Variants in ZDHHC2 observed in about 807,000 individuals in gnomAD.
The protein encoded by ZDHHC2 is palmitoyltransferase ZDHHC2.
A neutral mutation model predicts 55.6 loss-of-function variants in ZDHHC2; 51 were observed. The observed-to-expected ratio is 0.92, with a 90% CI of 0.73 to 1.16. The LOEUF is 1.16. ZDHHC2 is among the 50% of genes most tolerant of loss of function. The pLI is 0.00. For synonymous variants in ZDHHC2, 199 were observed against 152.9 expected (o/e 1.30, Z -2.22); for missense variants, 491 against 442.4 (o/e 1.11, Z -0.99).
At chr8:17,157,233 C>G (rs1158891921) in intron 1 of ZDHHC2, among the ~76,000 whole-genome samples, 1 of 152,174 alleles carries the variant, frequency 6.6e-6, no homozygotes, top group South Asian at 2.1e-4. Flanking sequence ...GAGCTGGGCC[C>G]GGCCCCGAGC....
chr8:17,160,556 G>A (rs1045882696), intron 1 of ZDHHC2, among the ~76,000 whole-genome samples: 2 of 152,168 alleles, frequency 1.3e-5, no homozygotes, highest in African/African-American at 4.8e-5. Context: ...TATGACCTTA[G>A]CTGCTGTAAT....
chr8:17,205,317 A>T lies in ZDHHC2; in HGVS notation c.477-338A>T, dbSNP rs71526110. ...TCAAACCCAAAGATGGCGTAGAGGAAGGGTTTAGTAAATTCACCTAAGCTG... is the reference window on the plus strand; with the variant it reads ...TCAAACCCAAAGATGGCGTAGAGGATGGGTTTAGTAAATTCACCTAAGCTG... On this transcript the variant is annotated intron_variant, in intron 6 of 12. Coordinates refer to ENST00000262096, the MANE Select transcript of ZDHHC2 (RefSeq NM_016353.5). Among the ~76,000 whole-genome samples the T allele has an allele frequency of 1.2e-3, 178 of 152,358 alleles. 1 individual carries two copies. Among genetic ancestry groups the T allele is most frequent in the Middle Eastern group, 0.01 (3 of 294 alleles).
chr8:17,184,773 T>C lies in ZDHHC2; in HGVS notation c.131-16T>C, dbSNP rs936098305. 6 of 1,549,280 alleles carry C rather than the reference T, an allele frequency of 3.9e-6. No homozygotes were observed. The highest frequency in any genetic ancestry group is 4.4e-6 in the Non-Finnish European group (5 of 1,145,992). On this transcript the variant is annotated splice_polypyrimidine_tract_variant and intron_variant, in intron 1 of 12. Transcript: ENST00000262096. ...ATAAGCTTCATGTAACCTATTACCTTTTTTTCTCTTTACAGTGTCCATGGA... is the reference window on the plus strand; with the variant it reads ...ATAAGCTTCATGTAACCTATTACCTCTTTTTCTCTTTACAGTGTCCATGGA...
chr8:17,213,656 AG>A (rs1297885898), intron 10 of ZDHHC2, among the ~76,000 whole-genome samples: 2 of 152,164 alleles, frequency 1.3e-5, no homozygotes, highest in African/African-American at 4.8e-5. Flanking sequence ...AATTTCCATA[AG>A]AACAAAGACT....
intron 8 of ZDHHC2, 25 bp downstream of exon 8, chr8:17,208,117 A>T: frequency 6.5e-7 from 1 of 1,527,542 alleles, no homozygotes; most frequent in Non-Finnish European, 8.8e-7. Context: ...ATTGTAGTTG[A>T]CAGAACTTTA....
chr8:17,166,228 G>T (rs1330282949), intron 1 of ZDHHC2, among the ~76,000 whole-genome samples: 2 of 152,186 alleles, frequency 1.3e-5, no homozygotes, highest in Admixed American at 6.5e-5. Context: ...TGAAACCGTG[G>T]CGTGGGCACT....
chr8:17,221,560 T>G lies in ZDHHC2; in HGVS notation c.*1339T>G, dbSNP rs3750248. The stretch of plus-strand genomic sequence containing the variant: ...AATCAAAGAGAAAATGGTAATAAAC[T>G]TTTCAAAATCTTTGTTAAACCAAAC... On this transcript the variant is annotated 3_prime_UTR_variant, in exon 13 of 13. Coordinates refer to ENST00000262096, the MANE Select transcript of ZDHHC2 (RefSeq NM_016353.5). The G allele has an allele frequency of 9.2e-5, 14 of 152,426 alleles. No individual in the cohort carries two copies. In the East Asian group the frequency reaches 2.7e-3, roughly 29 times the overall value. The allele number at this position is 152,426 out of a possible 1,614,324, so 9.4% of individuals were successfully genotyped here.
chr8:17,157,207 CG>C (rs1287474290), intron 1 of ZDHHC2, among the ~76,000 whole-genome samples: 29 of 152,158 alleles, frequency 1.9e-4, no homozygotes, highest in Admixed American at 1.9e-3. Flanking sequence ...CGAGGCGCGC[CG>C]GGGGCTGAAG....
At chr8:17,182,653 A>G (rs1222848003) in intron 1 of ZDHHC2, among the ~76,000 whole-genome samples, 1 of 126,222 alleles carries the variant, frequency 7.9e-6, no homozygotes, top group Non-Finnish European at 1.7e-5. Flanking sequence ...AATGGCAATA[A>G]TAATAATAAT....
At chr8:17,208,197 A>G (rs1807200651) in intron 8 of ZDHHC2, 105 bp downstream of exon 8, 2 of 1,172,884 alleles carry the variant, frequency 1.7e-6, no homozygotes, top group African/African-American at 3.2e-5. Context: ...AGTGGTGGGA[A>G]AAGTCATTCT....
chr8:17,160,592 C>G (rs1804289814), intron 1 of ZDHHC2, among the ~76,000 whole-genome samples: 1 of 152,202 alleles, frequency 6.6e-6, no homozygotes, highest in African/African-American at 2.4e-5. Context: ...TCTCCTTTTC[C>G]CAGCAAACCC....
intron 11 of ZDHHC2, among the ~76,000 whole-genome samples, chr8:17,216,505 A>G (rs1391497166): frequency 6.6e-6 from 1 of 152,166 alleles, no homozygotes; most frequent in Admixed American, 6.6e-5. Flanking sequence ...TGCCTAAACA[A>G]AAGTTGATGA....
chr8:17,158,668 A>G (rs1804184431), intron 1 of ZDHHC2, among the ~76,000 whole-genome samples: 1 of 152,256 alleles, frequency 6.6e-6, no homozygotes, highest in South Asian at 2.1e-4. Flanking sequence ...AGTATCCATA[A>G]AATCCGCATC....
At chr8:17,179,444 T>G (rs1805322884) in intron 1 of ZDHHC2, among the ~76,000 whole-genome samples, 1 of 152,204 alleles carries the variant, frequency 6.6e-6, no homozygotes, top group South Asian at 2.1e-4. Flanking sequence ...GGTCTCACTC[T>G]ATCGCACAGG....
At chr8:17,196,620 A>C (rs1255347036) in intron 4 of ZDHHC2, among the ~76,000 whole-genome samples, 1 of 151,108 alleles carries the variant, frequency 6.6e-6, no homozygotes, top group Admixed American at 6.6e-5. Flanking sequence ...AAGATTTGCG[A>C]CTCTGTGTGG....
At chr8:17,219,967 C>A (rs945050894) in intron 12 of ZDHHC2, among the ~76,000 whole-genome samples, 10 of 152,076 alleles carry the variant, frequency 6.6e-5, no homozygotes, top group African/African-American at 1.9e-4. Flanking sequence ...ATTGTCATGA[C>A]CTGGAAGATT....
chr8:17,164,987 A>G (rs983355444), intron 1 of ZDHHC2, among the ~76,000 whole-genome samples: 17 of 152,320 alleles, frequency 1.1e-4, no homozygotes, highest in African/African-American at 4.1e-4. Context: ...CAAAGAGCTG[A>G]ATCAAGGTAT....
intron 1 of ZDHHC2, among the ~76,000 whole-genome samples, chr8:17,160,040 G>C (rs1804257765): frequency 6.6e-6 from 1 of 152,200 alleles, no homozygotes; most frequent in Non-Finnish European, 1.5e-5. Context: ...GAGGGAATGA[G>C]GGAGGTCTGC....
At chr8:17,195,421 AC>A in intron 3 of ZDHHC2, 82 bp from the exon 4 acceptor site, 8 of 1,434,274 alleles carry the variant, frequency 5.6e-6, no homozygotes, top group Non-Finnish European at 7.6e-6. Flanking sequence ...TTTTATAAAT[AC>A]CCTTTTCCGG....
Sources: gnomAD v4.1 joint callset for allele counts (sites outside exome capture counted in the v4.1 genomes callset) on GRCh38, gnomAD v4.1.1 for gene constraint, MANE v1.5 for transcripts, NCBI Gene and HGNC (gene_info 2026-07-23, HGNC 2026-07-21) for gene names.